Variants in SELP observed in about 807,000 individuals in gnomAD.
SELP encodes selectin P.
SELP carries 92 observed loss-of-function variants against 104.1 expected under a neutral mutation model. That is an observed-to-expected ratio of 0.88 (90% CI 0.75 to 1.05). The LOEUF is 1.05. Among genes scored for constraint, SELP ranks in the 50% least tolerant of loss-of-function variants. The pLI is 0.00. For missense variants in SELP, 1,022 were observed against 1,017.3 expected (o/e 1.00, Z -0.06); for synonymous variants, 397 against 364.5 (o/e 1.09, Z -1.01).
rs1662244041 is a variant in SELP, at chr1:169,607,142, A to T, written c.1334-8T>A. 3 of 1,585,374 alleles carry T rather than the reference A, an allele frequency of 1.9e-6. No homozygotes were observed. In the South Asian group the frequency reaches 3.3e-5, roughly 18 times the overall value. The stretch of plus-strand genomic sequence containing the variant: ...GATCCTGGCACTGCAAAGCTAAGGG[A>T]TGAGGAAGTAAGGAATAAAGAAACA... On this transcript the variant is annotated splice_polypyrimidine_tract_variant and splice_region_variant and intron_variant, in intron 8 of 16. Transcript: ENST00000263686.
chr1:169,596,341 A>G (rs1661611245), intron 11 of SELP, among the ~76,000 whole-genome samples: 1 of 152,196 alleles, frequency 6.6e-6, no homozygotes, highest in Non-Finnish European at 1.5e-5. Flanking sequence ...CCTTGAGGAG[A>G]TGATTCTCCT....
intron 1 of SELP, among the ~76,000 whole-genome samples, chr1:169,624,894 G>C (rs1168144069): frequency 2.6e-5 from 4 of 152,176 alleles, no homozygotes; most frequent in Admixed American, 2.0e-4. Flanking sequence ...CCACGTTCCA[G>C]GTGGCTTACA....
At chr1:169,605,349 G>C (rs1662126820) in intron 9 of SELP, among the ~76,000 whole-genome samples, 1 of 152,140 alleles carries the variant, frequency 6.6e-6, no homozygotes, top group South Asian at 2.1e-4. Context: ...CTAAGTCCAG[G>C]GGCTTGCCAT....
At chr1:169,629,481 A>C (rs1186522449) in intron 1 of SELP, among the ~76,000 whole-genome samples, 2 of 152,244 alleles carry the variant, frequency 1.3e-5, no homozygotes, top group African/African-American at 2.4e-5. Flanking sequence ...TAGAAGAAGA[A>C]ACTGAGTCAT....
intron 5 of SELP, among the ~76,000 whole-genome samples, 179 bp from the exon 6 acceptor site, chr1:169,612,581 A>G (rs892029165): frequency 4.6e-5 from 7 of 152,198 alleles, no homozygotes; most frequent in Non-Finnish European, 7.3e-5. Flanking sequence ...CTTGTTTTTC[A>G]TGTAGAGAAG....
chr1:169,600,195 C>T (rs934862684), intron 10 of SELP, among the ~76,000 whole-genome samples: 3 of 151,466 alleles, frequency 2.0e-5, no homozygotes, highest in Non-Finnish European at 4.4e-5. Flanking sequence ...TCTGCATCTA[C>T]GGATTCAACT....
At chr1:169,619,477 C>A (rs926111346) in intron 1 of SELP, among the ~76,000 whole-genome samples, 6 of 152,136 alleles carry the variant, frequency 3.9e-5, no homozygotes, top group Non-Finnish European at 8.8e-5. Flanking sequence ...GTTTGTGCCA[C>A]CAATGTTTTT....
chr1:169,611,491 C>T lies in SELP; in HGVS notation c.1147+1G>A, dbSNP rs542741227. ...TGGAGGTTGCTAATGAAAAATCCTACCCTCACAGGTTGGCAAGGGTGCAGA... is the reference window on the plus strand; with the variant it reads ...TGGAGGTTGCTAATGAAAAATCCTATCCTCACAGGTTGGCAAGGGTGCAGA... On this transcript the variant is annotated splice_donor_variant, in intron 7 of 16. Transcript: ENST00000263686. LOFTEE classifies it high-confidence loss of function. 2 of 1,613,536 alleles carry T rather than the reference C, an allele frequency of 1.2e-6. No homozygotes were observed. The highest frequency in any genetic ancestry group is 2.2e-5 in the South Asian group (2 of 91,056).
chr1:169,590,193 T>G lies in SELP; in HGVS notation c.2448A>C (p.Gly816=). The change falls in exon 16 of 17, where the codon GGA becomes GGC. Residue 816 remains glycine, a synonymous_variant. Coordinates refer to ENST00000263686, the MANE Select transcript of SELP (RefSeq NM_003005.4). ...CAGCGTTTGTAAAAACTCCATATGT[T>G]CCTAGGTGGCTAAAGAACAGAAACA... ...KCPLNPHSHL[G]TYGVFTNAAF... The G allele has an allele frequency of 6.2e-7, 1 of 1,613,030 alleles. No individual in the cohort carries two copies. Among genetic ancestry groups the G allele is most frequent in the Non-Finnish European group, 8.5e-7 (1 of 1,179,036 alleles).
intron 1 of SELP, among the ~76,000 whole-genome samples, chr1:169,625,770 G>A (rs189586734): frequency 6.6e-6 from 1 of 152,334 alleles, no homozygotes; most frequent in East Asian, 1.9e-4. Context: ...TACTTTTACA[G>A]TAGTGATAAT....
chr1:169,605,871 TTAAC>T (rs1662166236), intron 9 of SELP, among the ~76,000 whole-genome samples: 1 of 152,102 alleles, frequency 6.6e-6, no homozygotes, highest in South Asian at 2.1e-4. Flanking sequence ...TCTATAAAAG[TTAAC>T]TAAGGAATTG....
rs1242572125 is a variant in SELP, at chr1:169,589,230, C to G, written c.*233G>C. On this transcript the variant is annotated 3_prime_UTR_variant, in exon 17 of 17. Transcript: ENST00000263686. Reference sequence around the variant, plus strand: ...TTTGGTTCACTGGTATTTCAAGTAACAGGTGAGTCAAAGCACAGAGACTAC... The same window carrying G: ...TTTGGTTCACTGGTATTTCAAGTAAGAGGTGAGTCAAAGCACAGAGACTAC... The G allele has an allele frequency of 1.3e-5, 2 of 152,204 alleles. No homozygotes were observed. Among genetic ancestry groups the G allele is most frequent in the Non-Finnish European group, 2.9e-5 (2 of 68,036 alleles). The allele number at this position is 152,204 out of a possible 1,614,324, so 9.4% of individuals were successfully genotyped here. A position where few individuals can be genotyped will look rare whatever the true frequency, so the allele number is the denominator to read the frequency against.
chr1:169,605,064 A>C (rs1412031704), intron 9 of SELP, among the ~76,000 whole-genome samples: 1 of 152,188 alleles, frequency 6.6e-6, no homozygotes, highest in Non-Finnish European at 1.5e-5. Context: ...AGCCGTGGTG[A>C]GTGGCAACCT....
intron 13 of SELP, among the ~76,000 whole-genome samples, chr1:169,594,044 A>G (rs1466286974): frequency 6.6e-6 from 1 of 152,218 alleles, no homozygotes; most frequent in Non-Finnish European, 1.5e-5. Flanking sequence ...ATGGGCAAAT[A>G]AAATAAAAGT....
intron 2 of SELP, 119 bp from the exon 3 acceptor site, chr1:169,617,533 A>G: frequency 9.7e-7 from 1 of 1,026,966 alleles, no homozygotes; most frequent in Non-Finnish European, 1.4e-6. Context: ...TACACAAAAC[A>G]ACGACTAGTT....
chr1:169,607,268 AG>A, intron 8 of SELP, 134 bp from the exon 9 acceptor site: 1 of 646,844 alleles, frequency 1.5e-6, no homozygotes, highest in Non-Finnish European at 2.4e-6. Flanking sequence ...GATAAGAAAA[AG>A]TGTCATTTAA....
In SELP at chr1:169,591,459, A is replaced by G. The variant is rs909833118; in HGVS notation, c.2408-3T>C. 4.4e-6 allele frequency: 7 copies of G among 1,577,554 alleles called. No individual in the cohort carries two copies. The highest frequency in any genetic ancestry group is 1.7e-4 in the Middle Eastern group (1 of 5,964). On this transcript the variant is annotated splice_region_variant and splice_polypyrimidine_tract_variant and intron_variant, in intron 14 of 16. Coordinates refer to ENST00000263686, the MANE Select transcript of SELP (RefSeq NM_003005.4). ...ATTCAAGGGGCATTTCCCATCATCT[A>G]AAATCAGCAAGAAGACAAGAATGAA...
At chr1:169,599,127 T>A (rs1242977586) in intron 10 of SELP, among the ~76,000 whole-genome samples, 1 of 152,106 alleles carries the variant, frequency 6.6e-6, no homozygotes, top group Non-Finnish European at 1.5e-5. Flanking sequence ...TGTAAAGAAG[T>A]GGGTTTACCT....
Position 169,594,864 on chromosome 1 carries a change from T to C in SELP, c.2115A>G (p.Ser705=). The change falls in exon 13 of 17, where the codon TCA becomes TCG. Residue 705 remains serine (S), a synonymous_variant. Coordinates refer to ENST00000263686, the MANE Select transcript of SELP (RefSeq NM_003005.4). Reference sequence around the variant, plus strand: ...CTATTGGCTTATTAACATGTAGTTCTGAGCATTTCACAGCTGCAGAAAAGA... The same window carrying C: ...CTATTGGCTTATTAACATGTAGTTCCGAGCATTTCACAGCTGCAGAAAAGA... ...VTPACRAVKC[S]ELHVNKPIAM... 3 of 1,612,142 alleles carry C rather than the reference T, an allele frequency of 1.9e-6. No individual in the cohort carries two copies. The highest frequency in any genetic ancestry group is 2.5e-6 in the Non-Finnish European group (3 of 1,178,708).
Sources: gnomAD v4.1 joint callset for allele counts (sites outside exome capture counted in the v4.1 genomes callset) on GRCh38, gnomAD v4.1.1 for gene constraint, MANE v1.5 for transcripts, NCBI Gene and HGNC (gene_info 2026-07-23, HGNC 2026-07-21) for gene names.